Variants in NFATC3 observed in about 807,000 individuals in gnomAD.
NFATC3 encodes the protein nuclear factor of activated T cells 3.
Under a neutral mutation model 98.6 loss-of-function variants are expected in NFATC3, and 46 were observed. That is an observed-to-expected ratio of 0.47 (90% confidence interval 0.37 to 0.60). The LOEUF is 0.60. Among genes scored for constraint, NFATC3 ranks in the 20% least tolerant of loss-of-function variants. The pLI is 0.00. For missense variants in NFATC3, 1,256 were observed against 1,295.5 expected (o/e 0.97, Z 0.47); for synonymous variants, 512 against 472.2 (o/e 1.08, Z -1.09).
chr16:68,211,085 C>G lies in NFATC3; in HGVS notation c.3107-15265C>G, dbSNP rs565296722. On this transcript the variant is annotated intron_variant, in intron 9 of 9. Coordinates refer to ENST00000346183, the MANE Select transcript of NFATC3 (RefSeq NM_173165.3). ...CTAGCCTTTTCTTTTCTTATAGTAT[C>G]TTTTTCTGGCTTTGTGTCAGAGTAA... is the stretch of plus-strand genomic sequence containing the variant. Among the ~76,000 whole-genome samples the G allele has an allele frequency of 9.0e-4, 137 of 152,116 alleles. 1 individual carries two copies. The highest frequency in any genetic ancestry group is 1.4e-3 in the Non-Finnish European group (93 of 67,982).
At position 68,130,502 on chromosome 16, in the gene NFATC3, G is replaced by A. The variant is rs887396151; in HGVS notation, c.1401+3892G>A. Among the ~76,000 whole-genome samples, 2 of 151,796 alleles carry A rather than the reference G, an allele frequency of 1.3e-5. 1 individual carries two copies. Among genetic ancestry groups the A allele is most frequent in the African/African-American group, 4.8e-5 (2 of 41,286 alleles). On this transcript the variant is annotated intron_variant, in intron 3 of 9. Transcript: ENST00000346183. ...TTTGCCCACTTTTTAGATTATTTGG[G>A]GTTTTTTTGGCTGTTGAGTTGTTTG... is the stretch of plus-strand genomic sequence containing the variant.
intron 1 of NFATC3, among the ~76,000 whole-genome samples, chr16:68,116,667 A>C (rs1322244557): frequency 6.6e-6 from 1 of 152,226 alleles, no homozygotes; most frequent in Admixed American, 6.5e-5. Flanking sequence ...CATCATTCTG[A>C]CGTAGAAGAT....
At chr16:68,102,449 A>G (rs1419400722) in intron 1 of NFATC3, among the ~76,000 whole-genome samples, 3 of 150,226 alleles carry the variant, frequency 2.0e-5, no homozygotes, top group Admixed American at 6.7e-5. Context: ...GTAGAATTCT[A>G]AGTTAGATAT....
chr16:68,147,586 G>A (rs2038100698), intron 3 of NFATC3, among the ~76,000 whole-genome samples: 1 of 152,084 alleles, frequency 6.6e-6, no homozygotes, highest in Non-Finnish European at 1.5e-5. Flanking sequence ...TAAAGTTGTT[G>A]CTGTTTATTT....
At position 68,150,382 on chromosome 16, in the gene NFATC3, G is replaced by C. The variant is rs1329865940; in HGVS notation, c.1402-7487G>C. 3.4e-5 allele frequency among the ~76,000 whole-genome samples: 5 copies of C among 145,268 alleles called. No individual in the cohort carries two copies. In the East Asian group the frequency reaches 8.1e-4, roughly 24 times the overall value. On this transcript the variant is annotated intron_variant, in intron 3 of 9. Coordinates refer to ENST00000346183, the MANE Select transcript of NFATC3 (RefSeq NM_173165.3). ...ACTTGAAACCAAGAGTTTAAGACCA[G>C]CCAGGGCAACCTAGTGGGACTTCTA...
chr16:68,225,304 T>TA (rs2042005489), intron 9 of NFATC3: 2 of 152,232 alleles, frequency 1.3e-5, no homozygotes, highest in South Asian at 4.1e-4. Context: ...TCCATACTCA[T>TA]TAGTAATTCC....
intron 3 of NFATC3, among the ~76,000 whole-genome samples, chr16:68,152,125 GGCCAA>G (rs925431625): frequency 1.3e-5 from 2 of 150,830 alleles, no homozygotes; most frequent in Non-Finnish European, 2.9e-5. Flanking sequence ...CACTTTGAGA[GGCCAA>G]GGTGGACGGA....
chr16:68,176,361 T>C (rs574449473), intron 6 of NFATC3, among the ~76,000 whole-genome samples: 2 of 152,212 alleles, frequency 1.3e-5, no homozygotes, highest in South Asian at 2.1e-4. Flanking sequence ...TTTTTTTTTT[T>C]TTTCTGTTTT....
intron 9 of NFATC3, among the ~76,000 whole-genome samples, chr16:68,198,851 A>G (rs930270127): frequency 2.0e-5 from 3 of 152,194 alleles, no homozygotes. Flanking sequence ...GGTCGAGACC[A>G]TCCTGGCCAA....
chr16:68,199,263 G>A (rs1479544383), intron 9 of NFATC3, among the ~76,000 whole-genome samples: 5 of 147,468 alleles, frequency 3.4e-5, no homozygotes, highest in East Asian at 2.1e-4. Context: ...TCGCTCTGTC[G>A]CCCAGGCTGG....
chr16:68,112,214 C>T (rs73612679), intron 1 of NFATC3, among the ~76,000 whole-genome samples: 1,955 of 150,308 alleles, frequency 0.013, 41 homozygotes, highest in African/African-American at 0.045. Context: ...GTATGTTTTC[C>T]GACTTGGATG....
chr16:68,133,505 G>A (rs1048555359), intron 3 of NFATC3, among the ~76,000 whole-genome samples: 5 of 151,968 alleles, frequency 3.3e-5, no homozygotes, highest in African/African-American at 9.7e-5. Context: ...TATTTAACAC[G>A]CAAGTATAAA....
At chr16:68,087,989 T>C (rs186209892) in intron 1 of NFATC3, among the ~76,000 whole-genome samples, 1 of 152,178 alleles carries the variant, frequency 6.6e-6, no homozygotes, top group East Asian at 1.9e-4. Context: ...CTGTTGAGGA[T>C]GTGTTATATA....
intron 1 of NFATC3, among the ~76,000 whole-genome samples, chr16:68,104,156 C>T (rs1167780547): frequency 6.6e-6 from 1 of 152,128 alleles, no homozygotes; most frequent in Non-Finnish European, 1.5e-5. Flanking sequence ...TTTTTCAATC[C>T]ATGTACACAA....
chr16:68,137,126 A>G (rs1041111279), intron 3 of NFATC3, among the ~76,000 whole-genome samples: 3 of 152,110 alleles, frequency 2.0e-5, no homozygotes, highest in Non-Finnish European at 2.9e-5. Flanking sequence ...TTTTCGCTTT[A>G]TAAGTTGTGA....
At chr16:68,087,768 C>G (rs558844345) in intron 1 of NFATC3, among the ~76,000 whole-genome samples, 1 of 152,162 alleles carries the variant, frequency 6.6e-6, no homozygotes, top group Admixed American at 6.5e-5. Context: ...TATGGTACCT[C>G]TTCTAGATAT....
intron 1 of NFATC3, among the ~76,000 whole-genome samples, chr16:68,114,045 C>T (rs1034143364): frequency 2.0e-5 from 3 of 152,210 alleles, no homozygotes; most frequent in Admixed American, 6.5e-5. Flanking sequence ...GCAGGTTGCA[C>T]AGCTCTGTGC....
At chr16:68,226,087 T>C (rs1204345564) in intron 9 of NFATC3, 4 of 311,036 alleles carry the variant, frequency 1.3e-5, no homozygotes, top group Non-Finnish European at 2.3e-5. Context: ...TGAATACTTA[T>C]TTAAACATAC....
chr16:68,160,987 C>T (rs964590266), intron 4 of NFATC3, among the ~76,000 whole-genome samples: 1 of 152,126 alleles, frequency 6.6e-6, no homozygotes, highest in African/African-American at 2.4e-5. Flanking sequence ...CTGCAACGGC[C>T]TTAAACATTT....
Sources: allele counts gnomAD v4.1 joint callset (sites outside exome capture counted in the v4.1 genomes callset), GRCh38; gene constraint gnomAD v4.1.1; transcripts MANE v1.5; gene names NCBI Gene and HGNC (gene_info 2026-07-23, HGNC 2026-07-21).